ZNRF2: variants seen among roughly 807,000 people sequenced by gnomAD.
ZNRF2 encodes zinc and ring finger 2.
ZNRF2 carries 16 observed loss-of-function variants against 20.4 expected under a neutral mutation model. The observed-to-expected ratio is 0.79, with a 90% confidence interval of 0.53 to 1.19. ZNRF2 has a LOEUF of 1.19. Among genes scored for constraint, ZNRF2 ranks in the 50% most tolerant of loss-of-function variants. The pLI is 0.00. For missense variants in ZNRF2, 363 were observed against 332.4 expected, an observed-to-expected ratio of 1.09 and a Z score of -0.72; for synonymous variants, 178 against 144.9, an observed-to-expected ratio of 1.23 and a Z score of -1.64.
intron 2 of ZNRF2, 25 bp downstream of exon 2, chr7:30,323,762 A>G (rs746890374): frequency 4.4e-6 from 6 of 1,355,526 alleles, no homozygotes; most frequent in Non-Finnish European, 6.0e-6. Flanking sequence ...TTAAAATAAT[A>G]TTTTAAGTTA....
chr7:30,285,860 C>T lies in ZNRF2; in HGVS notation c.469+34C>T, dbSNP rs745563751. 12 of 1,427,066 alleles carry T rather than the reference C, an allele frequency of 8.4e-6. No homozygotes were observed. The Admixed American group carries it at 9.1e-5, about 11-fold the overall frequency. 88.4% of individuals were successfully genotyped at this position (1,427,066 alleles called of 1,614,324 possible). A position where few individuals can be genotyped will look rare whatever the true frequency, so the allele number is the denominator to read the frequency against. ...CCCTCTCCGCGCACCCGCGCTCGGTCCTCCCGCGGCTGCACGTGGGCCGTG... is the reference window on the plus strand; with the variant it reads ...CCCTCTCCGCGCACCCGCGCTCGGTTCTCCCGCGGCTGCACGTGGGCCGTG... On this transcript the variant is annotated intron_variant, in intron 1 of 4. Transcript: ENST00000323037.
At chr7:30,289,778 T>G (rs1238740451) in intron 1 of ZNRF2, 1 of 534,510 alleles carries the variant, frequency 1.9e-6, no homozygotes, top group East Asian at 5.4e-5. Context: ...CAGCGTGACC[T>G]AAGAACCTGG....
intron 1 of ZNRF2, among the ~76,000 whole-genome samples, chr7:30,292,670 A>G (rs1267462002): frequency 6.6e-6 from 1 of 152,074 alleles, no homozygotes; most frequent in African/African-American, 2.4e-5. Flanking sequence ...TCAAGCAGAA[A>G]GTGAAGGAGC....
intron 2 of ZNRF2, among the ~76,000 whole-genome samples, chr7:30,334,402 T>C (rs1254013993): frequency 6.6e-6 from 1 of 152,184 alleles, no homozygotes; most frequent in African/African-American, 2.4e-5. Context: ...TATAGCCTTG[T>C]AGTATAGTTT....
intron 3 of ZNRF2, 38 bp from the exon 4 acceptor site, chr7:30,362,339 A>AT (rs1800139281): frequency 4.2e-6 from 6 of 1,424,100 alleles, no homozygotes; most frequent in Non-Finnish European, 5.8e-6. Context: ...AATAATTAGT[A>AT]TAAGTATCTC....
chr7:30,285,268 C>A lies in ZNRF2; in HGVS notation c.-90C>A. 5 of 947,850 alleles carry A rather than the reference C, an allele frequency of 5.3e-6. No homozygotes were observed. Among genetic ancestry groups the A allele is most frequent in the Non-Finnish European group, 6.4e-6 (5 of 781,742 alleles). The allele number at this position is 947,850 out of a possible 1,614,324, so 58.7% of individuals were successfully genotyped here. A position where few individuals can be genotyped will look rare whatever the true frequency, so the allele number is the denominator to read the frequency against. ...GGGCCTCTCTGGGCCGGCCGCGGCGCCTGGGCCCTGCCCTCTAGCTCCCGC... is the reference window on the plus strand; with the variant it reads ...GGGCCTCTCTGGGCCGGCCGCGGCGACTGGGCCCTGCCCTCTAGCTCCCGC... On this transcript the variant is annotated 5_prime_UTR_variant, in exon 1 of 5. Transcript: ENST00000323037.
intron 2 of ZNRF2, among the ~76,000 whole-genome samples, chr7:30,348,917 C>T (rs1217117232): frequency 6.6e-6 from 1 of 152,160 alleles, no homozygotes. Flanking sequence ...ACTTCACTTT[C>T]AACAAAAACA....
intron 3 of ZNRF2, among the ~76,000 whole-genome samples, chr7:30,360,450 C>T (rs1800108239): frequency 6.6e-6 from 1 of 152,034 alleles, no homozygotes; most frequent in Admixed American, 6.6e-5. Context: ...AATCCCAACA[C>T]TTTGGGAGGC....
chr7:30,358,185 A>G (rs1450694661), intron 3 of ZNRF2, among the ~76,000 whole-genome samples: 1 of 152,240 alleles, frequency 6.6e-6, no homozygotes, highest in African/African-American at 2.4e-5. Context: ...TAAATATTGG[A>G]TAAATTATTA....
chr7:30,293,860 T>A (rs1798959877), intron 1 of ZNRF2, among the ~76,000 whole-genome samples: 1 of 152,248 alleles, frequency 6.6e-6, no homozygotes. Flanking sequence ...TTGAATTTCA[T>A]AAGTTCCGAC....
At chr7:30,313,571 T>A (rs558841466) in intron 1 of ZNRF2, among the ~76,000 whole-genome samples, 7 of 152,166 alleles carry the variant, frequency 4.6e-5, no homozygotes, top group Non-Finnish European at 1.0e-4. Flanking sequence ...TTGTCATATT[T>A]ATGAAAACAA....
Position 30,366,105 on chromosome 7 carries a change from C to T in ZNRF2, c.*93C>T, listed in dbSNP as rs1003291957. The T allele has an allele frequency of 4.6e-5, 7 of 152,494 alleles. No individual in the cohort carries two copies. Among genetic ancestry groups the T allele is most frequent in the Admixed American group, 2.6e-4 (4 of 15,266 alleles). 9.4% of individuals were successfully genotyped at this position (152,494 alleles called of 1,614,324 possible). A position where few individuals can be genotyped will look rare whatever the true frequency, so the allele number is the denominator to read the frequency against. On this transcript the variant is annotated 3_prime_UTR_variant, in exon 5 of 5. Coordinates refer to ENST00000323037, the MANE Select transcript of ZNRF2 (RefSeq NM_147128.4). ...AAATCTGTCTCTGGAGAAACAAAGA[C>T]GCAGGCATACTCAGCCAGAAATCTG...
chr7:30,312,472 C>T (rs1423598007), intron 1 of ZNRF2, among the ~76,000 whole-genome samples: 1 of 152,022 alleles, frequency 6.6e-6, no homozygotes, highest in Non-Finnish European at 1.5e-5. Flanking sequence ...TGTCTTTGTT[C>T]AATTGAGTAC....
chr7:30,346,029 G>A (rs984199486), intron 2 of ZNRF2, among the ~76,000 whole-genome samples: 2 of 151,628 alleles, frequency 1.3e-5, no homozygotes, highest in East Asian at 3.9e-4. Flanking sequence ...AGTAATTTTC[G>A]TTGGACAGTC....
intron 2 of ZNRF2, among the ~76,000 whole-genome samples, chr7:30,351,429 A>G (rs144415822): frequency 2.6e-5 from 4 of 152,150 alleles, no homozygotes; most frequent in Admixed American, 2.6e-4. Context: ...GAGCTGTTTT[A>G]AATTGTGTAA....
intron 2 of ZNRF2, among the ~76,000 whole-genome samples, chr7:30,335,931 T>A (rs1186656018): frequency 6.6e-6 from 1 of 151,186 alleles, no homozygotes; most frequent in African/African-American, 2.4e-5. Context: ...TCATAAAGAG[T>A]GAGCTGTGTT....
chr7:30,362,669 T>C (rs1315081534), intron 4 of ZNRF2, among the ~76,000 whole-genome samples: 1 of 152,226 alleles, frequency 6.6e-6, no homozygotes, highest in Admixed American at 6.5e-5. Context: ...ATCCCAGCAC[T>C]TTGGGAGGCC....
At chr7:30,359,325 A>G (rs898971604) in intron 3 of ZNRF2, among the ~76,000 whole-genome samples, 1 of 152,172 alleles carries the variant, frequency 6.6e-6, no homozygotes, top group Non-Finnish European at 1.5e-5. Context: ...ATGACCCAGC[A>G]AAAAAGTAAA....
Position 30,320,596 on chromosome 7 carries a change from C to A in ZNRF2, c.470-3046C>A, listed in dbSNP as rs146572707. On this transcript the variant is annotated intron_variant, in intron 1 of 4. Coordinates refer to ENST00000323037, the MANE Select transcript of ZNRF2 (RefSeq NM_147128.4). Reference sequence around the variant, plus strand: ...CATAATGAAACTCGGTGGTGCTGAGCCAAATATCTCATGTAATTTATTGAA... The same window carrying A: ...CATAATGAAACTCGGTGGTGCTGAGACAAATATCTCATGTAATTTATTGAA... Among the ~76,000 whole-genome samples, 313 of 151,904 alleles carry A rather than the reference C, an allele frequency of 2.1e-3. 2 individuals carry two copies. Among genetic ancestry groups the A allele is most frequent in the African/African-American group, 7.2e-3 (299 of 41,410 alleles).
Sources: allele counts gnomAD v4.1 joint callset (sites outside exome capture counted in the v4.1 genomes callset), GRCh38; gene constraint gnomAD v4.1.1; transcripts MANE v1.5; gene names NCBI Gene and HGNC (gene_info 2026-07-23, HGNC 2026-07-21).